JARID2: variants seen among roughly 807,000 people sequenced by gnomAD.
JARID2 encodes the protein jumonji and AT-rich interaction domain containing 2.
JARID2 carries 21 observed loss-of-function variants against 125.6 expected under a neutral mutation model. That is an observed-to-expected ratio of 0.17 (90% CI 0.12 to 0.24). The LOEUF (loss-of-function observed/expected upper bound fraction) is 0.24, where lower values mean the gene tolerates loss of function less well. JARID2 is among the 10% of genes least tolerant of loss of function. The pLI is 1.00. For synonymous variants in JARID2, 736 were observed against 661.6 expected (o/e 1.11, Z -1.73); for missense variants, 1,303 against 1,639.6 (o/e 0.79, Z 3.55).
At chr6:15,312,960 G>A (rs934798012) in intron 1 of JARID2, among the ~76,000 whole-genome samples, 5 of 152,136 alleles carry the variant, frequency 3.3e-5, no homozygotes, top group Non-Finnish European at 7.3e-5. Context: ...TTGTTGTTCC[G>A]ACGAAAACAC....
intron 1 of JARID2, among the ~76,000 whole-genome samples, chr6:15,331,228 G>T (rs1247100036): frequency 6.6e-6 from 1 of 151,956 alleles, no homozygotes; most frequent in Non-Finnish European, 1.5e-5. Flanking sequence ...CAACTAGTTG[G>T]GTGTCTGAGG....
chr6:15,327,737 C>G (rs543076901), intron 1 of JARID2, among the ~76,000 whole-genome samples: 1 of 152,228 alleles, frequency 6.6e-6, no homozygotes, highest in East Asian at 1.9e-4. Context: ...CTAGGACAGT[C>G]TTTATAAAAA....
At position 15,496,512 on chromosome 6, in the gene JARID2, G is replaced by T; in HGVS notation, c.1287G>T (p.Glu429Asp). 1 of 1,606,580 alleles carries T rather than the reference G, an allele frequency of 6.2e-7. No individual in the cohort carries two copies. The highest frequency in any genetic ancestry group is 1.3e-5 in the African/African-American group (1 of 74,872). Residue 429 changes from glutamate (E) to aspartate (D), a missense_variant, in exon 7 of 18, where the codon GAG becomes GAT. By Grantham distance (45) the Glu-to-Asp change is conservative. Around this residue, in one of 11 missense-constraint regions of JARID2, gnomAD observed 651 missense variants for 581.6 expected, o/e 1.12. Transcript: ENST00000341776. ...TKEVGGRQLREGLQLREGLRN... is the reference protein window; with the variant it reads ...TKEVGGRQLRDGLQLREGLRN... ...AGGTGGGGGGGCGGCAGCTGCGGGA[G>T]GGCCTGCAGCTGCGGGAGGGGCTGC...
At chr6:15,401,976 G>A (rs1451174360) in intron 2 of JARID2, among the ~76,000 whole-genome samples, 2 of 150,548 alleles carry the variant, frequency 1.3e-5, no homozygotes, top group Non-Finnish European at 2.9e-5. Flanking sequence ...AAGTAGGAGG[G>A]CAGTTGATTT....
chr6:15,477,561 A>G (rs1769407659), intron 5 of JARID2, among the ~76,000 whole-genome samples: 1 of 147,630 alleles, frequency 6.8e-6, no homozygotes, highest in South Asian at 2.1e-4. Context: ...CCAGTTATAC[A>G]ATGTATGTTT....
intron 5 of JARID2, among the ~76,000 whole-genome samples, chr6:15,472,907 A>G (rs1307611761): frequency 1.3e-5 from 2 of 152,188 alleles, no homozygotes; most frequent in South Asian, 2.1e-4. Context: ...TTTTCTTTCT[A>G]TTGCTATGCC....
In JARID2 at chr6:15,306,788, C is replaced by T. The variant is rs530427119; in HGVS notation, c.45+60204C>T. Among the ~76,000 whole-genome samples, 11 of 151,160 alleles carry T rather than the reference C, an allele frequency of 7.3e-5. No individual in the cohort carries two copies. The South Asian group carries it at 1.5e-3, about 20-fold the overall frequency. ...AAACCTAGGAGTAAAACACAAGGGG[C>T]AAGTGGAGTGAAGGAAAATGGAAGG... On this transcript the variant is annotated intron_variant, in intron 1 of 17. Coordinates refer to ENST00000341776, the MANE Select transcript of JARID2 (RefSeq NM_004973.4).
chr6:15,474,897 AG>A (rs1270687626), intron 5 of JARID2, among the ~76,000 whole-genome samples: 1 of 152,202 alleles, frequency 6.6e-6, no homozygotes, highest in Non-Finnish European at 1.5e-5. Context: ...TATAACCCTT[AG>A]GAAAACTGGT....
chr6:15,433,904 T>G (rs562147182), intron 3 of JARID2, among the ~76,000 whole-genome samples: 1 of 149,636 alleles, frequency 6.7e-6, no homozygotes, highest in East Asian at 2.0e-4. Flanking sequence ...GTTTTTCCAG[T>G]AGCCCTCACT....
intron 1 of JARID2, among the ~76,000 whole-genome samples, chr6:15,365,306 C>CT (rs1266015798): frequency 6.6e-6 from 1 of 152,060 alleles, no homozygotes; most frequent in Non-Finnish European, 1.5e-5. Flanking sequence ...GATCTTGGGT[C>CT]TTTTTTGATT....
At chr6:15,447,060 C>T (rs1020526889) in intron 3 of JARID2, among the ~76,000 whole-genome samples, 3 of 152,138 alleles carry the variant, frequency 2.0e-5, no homozygotes, top group African/African-American at 7.2e-5. Flanking sequence ...AACAGCAGCT[C>T]GTATCCGTCT....
intron 1 of JARID2, among the ~76,000 whole-genome samples, chr6:15,263,550 G>GTTGAGAT (rs1285515057): frequency 1.3e-5 from 2 of 151,182 alleles, no homozygotes; most frequent in Non-Finnish European, 2.9e-5. Context: ...CCCCAAGTTG[G>GTTGAGAT]TGTGAAATTG....
chr6:15,338,039 C>T (rs1439988217), intron 1 of JARID2, among the ~76,000 whole-genome samples: 1 of 152,182 alleles, frequency 6.6e-6, no homozygotes, highest in African/African-American at 2.4e-5. Context: ...TAAACAGGCC[C>T]AGGGAACTCA....
intron 1 of JARID2, among the ~76,000 whole-genome samples, chr6:15,363,760 A>G (rs1763879749): frequency 6.6e-6 from 1 of 152,216 alleles, no homozygotes; most frequent in Non-Finnish European, 1.5e-5. Context: ...GACACACGTT[A>G]TTAGTGGGAA....
chr6:15,400,923 G>A (rs1429225879), intron 2 of JARID2: 1 of 1,289,258 alleles, frequency 7.8e-7, no homozygotes. Context: ...CTTCCTCTCT[G>A]TCTCTCTGCA....
At chr6:15,343,648 C>T (rs1216290391) in intron 1 of JARID2, among the ~76,000 whole-genome samples, 1 of 152,098 alleles carries the variant, frequency 6.6e-6, no homozygotes, top group Non-Finnish European at 1.5e-5. Context: ...GTCACTGTGT[C>T]CCCCAACATT....
At position 15,520,283 on chromosome 6, in the gene JARID2, A is replaced by AT. The variant is rs756353103; in HGVS notation, c.*39dup. ...CAACGCCCGTGGTCGATTTATATAT[A>AT]TTTTTTTGTAATTATTATATTCTAG... On this transcript the variant is annotated 3_prime_UTR_variant, in exon 18 of 18. Coordinates refer to ENST00000341776, the MANE Select transcript of JARID2 (RefSeq NM_004973.4). The AT allele has an allele frequency of 9.3e-6, 14 of 1,500,698 alleles. No individual in the cohort carries two copies. The highest frequency in any genetic ancestry group is 4.8e-5 in the East Asian group (2 of 41,384). The allele number at this position is 1,500,698 out of a possible 1,614,324, so 93.0% of individuals were successfully genotyped here.
chr6:15,388,691 C>T (rs368504154), intron 2 of JARID2, among the ~76,000 whole-genome samples: 29 of 151,426 alleles, frequency 1.9e-4, no homozygotes, highest in Admixed American at 1.5e-3. Context: ...GATTATAAAC[C>T]GGCAAGGCCA....
intron 4 of JARID2, among the ~76,000 whole-genome samples, chr6:15,464,690 C>T (rs1353644242): frequency 3.3e-5 from 5 of 152,198 alleles, no homozygotes; most frequent in Non-Finnish European, 7.3e-5. Flanking sequence ...CAATCCCTTT[C>T]CTACACTTTC....
Sources: gnomAD v4.1 joint callset for allele counts (sites outside exome capture counted in the v4.1 genomes callset) on GRCh38, gnomAD v4.1.1 for gene constraint, gnomAD v4.1.1 regional missense constraint, MANE v1.5 for transcripts, NCBI Gene and HGNC (gene_info 2026-07-23, HGNC 2026-07-21) for gene names.